The following COL8A1 variants were observed in gnomAD, a reference collection of about 807,000 sequenced individuals.
The protein encoded by COL8A1 is collagen alpha-1(VIII) chain.
A neutral mutation model predicts 42.7 loss-of-function variants in COL8A1; 21 were observed. That is an observed-to-expected ratio of 0.49 (90% CI 0.35 to 0.71). The LOEUF (loss-of-function observed/expected upper bound fraction) is 0.71. Ranked by LOEUF, COL8A1 falls within the 30% of genes least tolerant of loss-of-function variation. The pLI, the probability that COL8A1 is intolerant of heterozygous loss-of-function variation, is 0.01. For synonymous variants in COL8A1, 367 were observed against 369.1 expected, an observed-to-expected ratio of 0.99 and a Z score of 0.06; for missense variants, 788 against 962.4, an observed-to-expected ratio of 0.82 and a Z score of 2.40.
At chr3:99,741,400 A>T (rs1186372114) in intron 1 of COL8A1, among the ~76,000 whole-genome samples, 1 of 152,208 alleles carries the variant, frequency 6.6e-6, no homozygotes, top group Non-Finnish European at 1.5e-5. Flanking sequence ...TGTTGTAAAA[A>T]TATAATAAAT....
At chr3:99,731,162 A>G (rs1940495293) in intron 1 of COL8A1, among the ~76,000 whole-genome samples, 1 of 152,170 alleles carries the variant, frequency 6.6e-6, no homozygotes, top group African/African-American at 2.4e-5. Context: ...AATAAACAAA[A>G]TGTATAATTA....
intron 1 of COL8A1, among the ~76,000 whole-genome samples, chr3:99,719,243 C>G (rs1476733653): frequency 2.0e-5 from 3 of 152,068 alleles, no homozygotes; most frequent in African/African-American, 7.2e-5. Flanking sequence ...TAAAAAGACT[C>G]TCCATAGTTC....
chr3:99,687,381 T>C (rs1222444388), intron 1 of COL8A1, among the ~76,000 whole-genome samples: 3 of 152,254 alleles, frequency 2.0e-5, no homozygotes, highest in Admixed American at 2.0e-4. Flanking sequence ...ATGCACTTTG[T>C]GTGCTGTTAG....
At chr3:99,777,144 C>G (rs1941709291) in intron 2 of COL8A1, among the ~76,000 whole-genome samples, 4 of 152,156 alleles carry the variant, frequency 2.6e-5, no homozygotes, top group Admixed American at 2.6e-4. Context: ...CAGTAGGTCT[C>G]AGCCTTATTT....
chr3:99,664,066 T>C (rs1938291183), intron 1 of COL8A1, among the ~76,000 whole-genome samples: 1 of 152,136 alleles, frequency 6.6e-6, no homozygotes, highest in South Asian at 2.1e-4. Flanking sequence ...TAGCACTGAG[T>C]CTATCCATGG....
intron 1 of COL8A1, among the ~76,000 whole-genome samples, chr3:99,723,811 A>C (rs1940225599): frequency 6.6e-6 from 1 of 152,168 alleles, no homozygotes; most frequent in Non-Finnish European, 1.5e-5. Context: ...GATTATCCCA[A>C]CACCATCAGC....
chr3:99,645,984 G>A (rs1454992136), intron 1 of COL8A1, among the ~76,000 whole-genome samples: 8 of 152,074 alleles, frequency 5.3e-5, no homozygotes, highest in Non-Finnish European at 8.8e-5. Context: ...GGGGAAGGGA[G>A]CTGGGAGAAA....
intron 2 of COL8A1, among the ~76,000 whole-genome samples, chr3:99,778,372 A>G (rs558375608): frequency 6.6e-6 from 1 of 152,112 alleles, no homozygotes; most frequent in East Asian, 1.9e-4. Flanking sequence ...TTACTTTTGT[A>G]GAGAGAGAGA....
chr3:99,734,739 G>T (rs997022820), intron 1 of COL8A1, among the ~76,000 whole-genome samples: 6 of 151,858 alleles, frequency 4.0e-5, no homozygotes, highest in Non-Finnish European at 7.4e-5. Context: ...ATTACCTTGG[G>T]CAGTATGGCC....
chr3:99,740,896 AT>A (rs1940882571), intron 1 of COL8A1, among the ~76,000 whole-genome samples: 1 of 152,140 alleles, frequency 6.6e-6, no homozygotes, highest in Non-Finnish European at 1.5e-5. Context: ...AACTGTATTG[AT>A]TTTTAGCTTG....
At chr3:99,664,483 A>T (rs903417827) in intron 1 of COL8A1, among the ~76,000 whole-genome samples, 7 of 70,250 alleles carry the variant, frequency 1.0e-4, no homozygotes, top group African/African-American at 2.6e-4. Context: ...AAAGTATAAT[A>T]AAAAAAAAAT....
chr3:99,769,832 T>C (rs937062888), intron 2 of COL8A1, among the ~76,000 whole-genome samples: 2 of 152,008 alleles, frequency 1.3e-5, no homozygotes, highest in Non-Finnish European at 2.9e-5. Flanking sequence ...GGCAGGAGAA[T>C]TGCTTGAACC....
intron 2 of COL8A1, among the ~76,000 whole-genome samples, chr3:99,773,815 G>GTGTATATATATATATATATATATATATAT (rs1403823634): frequency 2.8e-5 from 1 of 35,900 alleles, no homozygotes; most frequent in African/African-American, 1.1e-4. Flanking sequence ...ATATATGTGT[G>GTGTATATATATATATATATATATATATAT]TATATATATA....
Position 99,772,013 on chromosome 3 carries a change from T to C in COL8A1, c.-3-18667T>C, listed in dbSNP as rs180785997. Among the ~76,000 whole-genome samples the C allele has an allele frequency of 3.9e-5, 6 of 152,290 alleles. No individual in the cohort carries two copies. In the East Asian group the frequency reaches 1.2e-3, roughly 29 times the overall value. On this transcript the variant is annotated intron_variant, in intron 2 of 3. Transcript: ENST00000652472. ...ACCTTCCAATGTTGGTCTGTTAAAG[T>C]ATCCAGTTACTACCTAGCAAAGCCC...
intron 1 of COL8A1, among the ~76,000 whole-genome samples, chr3:99,727,275 CTT>C (rs1365379187): frequency 6.6e-6 from 1 of 152,118 alleles, no homozygotes; most frequent in Non-Finnish European, 1.5e-5. Flanking sequence ...TATCCTGAGA[CTT>C]TGCTGAAGTT....
intron 1 of COL8A1, among the ~76,000 whole-genome samples, chr3:99,686,105 C>A (rs938190764): frequency 1.3e-5 from 2 of 152,206 alleles, no homozygotes; most frequent in African/African-American, 4.8e-5. Context: ...GAACTAATCA[C>A]ATAGCCCTAA....
intron 1 of COL8A1, among the ~76,000 whole-genome samples, chr3:99,655,383 A>G (rs1937985659): frequency 6.6e-6 from 1 of 152,248 alleles, no homozygotes; most frequent in Non-Finnish European, 1.5e-5. Context: ...TTTACATGGT[A>G]GTCTTTCAAC....
intron 2 of COL8A1, among the ~76,000 whole-genome samples, chr3:99,773,833 ATATATT>A (rs1266403081): frequency 1.4e-5 from 1 of 71,656 alleles, no homozygotes; most frequent in Non-Finnish European, 2.7e-5. Context: ...ATATATATAT[ATATATT>A]TTTTTTTTTT....
chr3:99,677,623 T>C (rs949943571), intron 1 of COL8A1: 3 of 152,136 alleles, frequency 2.0e-5, no homozygotes, highest in African/African-American at 7.2e-5. Context: ...ACGGAAGCAA[T>C]TTTGAACTAA....
Sources: gnomAD v4.1 joint callset for allele counts (sites outside exome capture counted in the v4.1 genomes callset) on GRCh38, gnomAD v4.1.1 for gene constraint, MANE v1.5 for transcripts, NCBI Gene and HGNC (gene_info 2026-07-23, HGNC 2026-07-21) for gene names.